Variants in ZNF787 observed in about 807,000 individuals in gnomAD.
ZNF787 encodes the protein TTF-I-interacting peptide 20.
In ZNF787, 7 loss-of-function variants were observed where a neutral mutation model predicts 16.9. The ratio of observed to expected loss-of-function variants is 0.42; its 90% CI spans 0.24 to 0.78. The LOEUF (loss-of-function observed/expected upper bound fraction) is 0.78, where lower values mean the gene tolerates loss of function less well. ZNF787 is among the 30% of genes least tolerant of loss of function. The probability of loss-of-function intolerance (pLI) is 0.30; values close to 1 mark genes in which losing one functional copy is unlikely to be tolerated. For missense variants in ZNF787, 551 were observed against 589.3 expected (o/e 0.94, Z 0.67); for synonymous variants, 345 against 270.9 (o/e 1.27, Z -2.69).
At chr19:56,095,743 C>T (rs1318520540) in intron 2 of ZNF787, among the ~76,000 whole-genome samples, 1 of 152,214 alleles carries the variant, frequency 6.6e-6, no homozygotes, top group Non-Finnish European at 1.5e-5. Flanking sequence ...CCCTTTTGGG[C>T]CTTCCCACCA....
At chr19:56,116,716 G>A (rs1171762921) in intron 1 of ZNF787, among the ~76,000 whole-genome samples, 5 of 152,016 alleles carry the variant, frequency 3.3e-5, no homozygotes, top group African/African-American at 1.2e-4. Flanking sequence ...TCCAGATGGT[G>A]TGGATTCTCC....
At chr19:56,117,724 TATAG>T (rs2030179161) in intron 1 of ZNF787, among the ~76,000 whole-genome samples, 1 of 152,246 alleles carries the variant, frequency 6.6e-6, no homozygotes, top group Non-Finnish European at 1.5e-5. Context: ...CGACACCTAC[TATAG>T]GTCCCCATCA....
intron 2 of ZNF787, among the ~76,000 whole-genome samples, chr19:56,100,984 C>T (rs111547134): frequency 5.2e-5 from 7 of 134,698 alleles, no homozygotes; most frequent in African/African-American, 1.2e-4. Context: ...CGGGACTCCA[C>T]ACGCCATGGC....
rs1011925024 is a variant in ZNF787 at position 56,087,762 on chromosome 19, T to C, written c.*261A>G. On this transcript the variant is annotated 3_prime_UTR_variant, in exon 3 of 3. Coordinates refer to ENST00000610935, the MANE Select transcript of ZNF787 (RefSeq NM_001002836.4). ...TCGGCCTCTGCAGTTCTCTCCATTG[T>C]CTCTCCGGCTCGCAGGCCGATAACT... 2.4e-6 allele frequency: 1 copy of C among 414,698 alleles called. No homozygotes were observed. Among genetic ancestry groups the C allele is most frequent in the African/African-American group, 2.1e-5 (1 of 47,212 alleles). 25.7% of individuals were successfully genotyped at this position (414,698 alleles called of 1,614,324 possible). A position where few individuals can be genotyped will look rare whatever the true frequency, so the allele number is the denominator to read the frequency against.
At chr19:56,118,634 C>G (rs1012996241) in intron 1 of ZNF787, among the ~76,000 whole-genome samples, 1 of 152,196 alleles carries the variant, frequency 6.6e-6, no homozygotes, top group East Asian at 1.9e-4. Context: ...AGGCACTGGG[C>G]CAGGTTCCTG....
At chr19:56,120,498 T>C (rs971816664) in intron 1 of ZNF787, among the ~76,000 whole-genome samples, 1 of 151,854 alleles carries the variant, frequency 6.6e-6, no homozygotes, top group East Asian at 1.9e-4. Flanking sequence ...ACGCGCTTCC[T>C]CCCCGCCTGC....
rs1030671318 is a variant in ZNF787, at chr19:56,087,989, G to A, written c.*34C>T. On this transcript the variant is annotated 3_prime_UTR_variant, in exon 3 of 3. Coordinates refer to ENST00000610935, the MANE Select transcript of ZNF787 (RefSeq NM_001002836.4). ...CGTCGTCGCTCCCGCCAAGCCCGAG[G>A]GGCCCTGCCCGCCCCCCCCCCCGGG... 5 of 1,289,806 alleles carry A rather than the reference G, an allele frequency of 3.9e-6. No homozygotes were observed. Among genetic ancestry groups the A allele is most frequent in the East Asian group, 3.6e-5 (1 of 27,962 alleles). 79.9% of individuals were successfully genotyped at this position (1,289,806 alleles called of 1,614,324 possible).
At chr19:56,099,707 T>G (rs1328033825) in intron 2 of ZNF787, among the ~76,000 whole-genome samples, 1 of 12,842 alleles carries the variant, frequency 7.8e-5, no homozygotes, top group Non-Finnish European at 4.5e-4. Flanking sequence ...TGAGGCTCCG[T>G]CTCAAAAAAA....
intron 2 of ZNF787, among the ~76,000 whole-genome samples, chr19:56,093,081 G>C (rs1018572215): frequency 6.6e-6 from 1 of 151,014 alleles, no homozygotes; most frequent in African/African-American, 2.4e-5. Context: ...ACGGGGTAGC[G>C]GAAGTGGAAT....
intron 2 of ZNF787, chr19:56,102,793 C>G: frequency 1.5e-6 from 1 of 657,046 alleles, no homozygotes; most frequent in Non-Finnish European, 2.8e-6. Flanking sequence ...AGCAGAGGGT[C>G]CAGGATGTGG....
chr19:56,105,345 C>G (rs575381456), intron 1 of ZNF787: 1 of 152,004 alleles, frequency 6.6e-6, no homozygotes, highest in Non-Finnish European at 1.5e-5. Flanking sequence ...AGCGCCTCAG[C>G]GAAACTCCAC....
At chr19:56,116,284 T>A (rs2030135812) in intron 1 of ZNF787, among the ~76,000 whole-genome samples, 1 of 151,792 alleles carries the variant, frequency 6.6e-6, no homozygotes, top group Admixed American at 6.6e-5. Context: ...TACTAAAAAA[T>A]ACAAAAAATT....
rs1201123242 is a variant in ZNF787 at position 56,088,919 on chromosome 19, G to A, written c.253C>T (p.Gln85Ter). 1 of 1,594,410 alleles carries A rather than the reference G, an allele frequency of 6.3e-7. No homozygotes were observed. Residue 85 changes from glutamine (Q) to a stop codon, truncating the protein, a stop_gained, in exon 3 of 3, where the codon CAG becomes TAG. Coordinates refer to ENST00000610935, the MANE Select transcript of ZNF787 (RefSeq NM_001002836.4). LOFTEE classifies it high-confidence loss of function. This position sits in a 1 kb window ranked among gnomAD's most constrained non-coding sequence, Gnocchi z 8.6. ...GGCCGCTCGCCGGTGTGCGTGCGCT[G>A]GTGCCGCGTCAGCTTGGACCAGTGG... Reference protein sequence around the residue: ...FSHWSKLTRHQRTHTGERPNA... With the variant: ...FSHWSKLTRH
intron 2 of ZNF787, among the ~76,000 whole-genome samples, chr19:56,092,487 A>G (rs950315561): frequency 6.7e-6 from 1 of 149,248 alleles, no homozygotes; most frequent in African/African-American, 2.5e-5. Flanking sequence ...TTTCCCCTCC[A>G]CGGGAGATAA....
intron 1 of ZNF787, among the ~76,000 whole-genome samples, chr19:56,108,627 G>C (rs1427886465): frequency 6.6e-6 from 1 of 152,040 alleles, no homozygotes; most frequent in African/African-American, 2.4e-5. Context: ...CACCCATGTG[G>C]TCCCTAGCAC....
chr19:56,107,836 G>GAA lies in ZNF787; in HGVS notation c.-10-4610_-10-4609insTT, dbSNP rs1568532434. Among the ~76,000 whole-genome samples, 608 of 150,680 alleles carry GAA rather than the reference G, an allele frequency of 4.0e-3. 2 individuals carry two copies. Among genetic ancestry groups the GAA allele is most frequent in the African/African-American group, 0.013 (544 of 40,382 alleles). On this transcript the variant is annotated intron_variant, in intron 1 of 2. Coordinates refer to ENST00000610935, the MANE Select transcript of ZNF787 (RefSeq NM_001002836.4). Reference sequence around the variant, plus strand: ...AAGGCCGGGCATGCTGGGGGCTGCGGGAGAGGCCGCTCGAAGGCCGGGCAT... The same window carrying GAA: ...AAGGCCGGGCATGCTGGGGGCTGCGGAAGAGAGGCCGCTCGAAGGCCGGGCAT...
At chr19:56,095,594 G>C (rs1270351786) in intron 2 of ZNF787, among the ~76,000 whole-genome samples, 8 of 152,170 alleles carry the variant, frequency 5.3e-5, no homozygotes, top group Non-Finnish European at 1.2e-4. Flanking sequence ...TGTCCCCACT[G>C]TCATCAGGAC....
Position 56,088,223 on chromosome 19 carries a change from G to T in ZNF787, c.949C>A (p.His317Asn). Reference protein sequence around the residue: ...LGAAGGEEPAHICVECGEGFV... With the variant: ...LGAAGGEEPANICVECGEGFV... The stretch of plus-strand genomic sequence containing the variant: ...CCCTCCCCGCACTCCACGCAGATGT[G>T]GGCCGGCTCCTCGCCCCCCGCCGCC... Residue 317 changes from histidine (H) to asparagine (N), a missense_variant, in exon 3 of 3, where the codon CAC becomes AAC. By Grantham distance (68) the His-to-Asn change is moderately conservative (BLOSUM62 1). This residue lies in a region of ZNF787 where 392 missense variants were observed against 312.7 expected (regional missense o/e 1.25). Transcript: ENST00000610935. This position sits in a 1 kb window ranked among gnomAD's most constrained non-coding sequence, Gnocchi z 8.6. 2 of 1,509,870 alleles carry T rather than the reference G, an allele frequency of 1.3e-6. No individual in the cohort carries two copies. Among genetic ancestry groups the T allele is most frequent in the Non-Finnish European group, 1.8e-6 (2 of 1,135,070 alleles). 93.5% of individuals were successfully genotyped at this position (1,509,870 alleles called of 1,614,324 possible). A position where few individuals can be genotyped will look rare whatever the true frequency, so the allele number is the denominator to read the frequency against.
At chr19:56,090,904 C>G (rs1290193423) in intron 2 of ZNF787, among the ~76,000 whole-genome samples, 1 of 152,208 alleles carries the variant, frequency 6.6e-6, no homozygotes, top group Non-Finnish European at 1.5e-5. Context: ...TGTGCTTCAG[C>G]AAGCCCCCCA....
Sources: allele counts gnomAD v4.1 joint callset (sites outside exome capture counted in the v4.1 genomes callset), GRCh38; gene constraint gnomAD v4.1.1; regional missense constraint gnomAD v4.1.1; non-coding constraint Gnocchi (gnomAD v3.1); transcripts MANE v1.5; gene names NCBI Gene and HGNC (gene_info 2026-07-23, HGNC 2026-07-21).